Variants in LHFPL4 observed in about 807,000 individuals in gnomAD.
LHFPL4 encodes LHFPL tetraspan subfamily member 4, also known as LHFPL tetraspan subfamily member 4 protein.
Under a neutral mutation model 20.0 loss-of-function variants are expected in LHFPL4, and 6 were observed. The ratio of observed to expected loss-of-function variants is 0.30; its 90% CI spans 0.16 to 0.59. The LOEUF (loss-of-function observed/expected upper bound fraction) is 0.59. LHFPL4 is among the 20% of genes least tolerant of loss of function. The pLI is 0.88. For missense variants in LHFPL4, 215 were observed against 331.2 expected, an observed-to-expected ratio of 0.65 and a Z score of 2.72; for synonymous variants, 129 against 143.8, an observed-to-expected ratio of 0.90 and a Z score of 0.74.
chr3:9,545,969 T>A (rs1265648689), intron 2 of LHFPL4, among the ~76,000 whole-genome samples: 1 of 151,864 alleles, frequency 6.6e-6, no homozygotes, highest in Non-Finnish European at 1.5e-5. Context: ...TATGCCATAG[T>A]GATGGGAGTT....
intron 2 of LHFPL4, among the ~76,000 whole-genome samples, chr3:9,541,838 A>G (rs543615539): frequency 1.3e-5 from 2 of 152,282 alleles, no homozygotes; most frequent in South Asian, 4.1e-4. Flanking sequence ...TTAGAGGAAA[A>G]CAGGGGTAAA....
intron 2 of LHFPL4, among the ~76,000 whole-genome samples, chr3:9,535,050 C>T (rs1438840653): frequency 2.0e-5 from 3 of 151,986 alleles, no homozygotes; most frequent in Admixed American, 1.3e-4. Flanking sequence ...CCTACTATAT[C>T]GATACAGGAA....
At chr3:9,524,304 C>T (rs1156981525) in intron 2 of LHFPL4, among the ~76,000 whole-genome samples, 1 of 151,626 alleles carries the variant, frequency 6.6e-6, no homozygotes, top group African/African-American at 2.4e-5. Context: ...AATTTGGGGA[C>T]ATTTTCAGTC....
rs375089088 is a variant in LHFPL4 at position 9,506,211 on chromosome 3, G to A, written c.407-8C>T. The A allele has an allele frequency of 3.1e-6, 5 of 1,606,538 alleles. No individual in the cohort carries two copies. Among genetic ancestry groups the A allele is most frequent in the African/African-American group, 2.7e-5 (2 of 74,768 alleles). On this transcript the variant is annotated splice_polypyrimidine_tract_variant and splice_region_variant and intron_variant, in intron 2 of 3. Transcript: ENST00000287585. This position sits in a 1 kb window ranked among gnomAD's most constrained non-coding sequence, Gnocchi z 4.5. Reference sequence around the variant, plus strand: ...CCAGGACGAGGCACAGAGCTGAGGGGCAGAGCACCGGGCCCACCACCACGG... The same window carrying A: ...CCAGGACGAGGCACAGAGCTGAGGGACAGAGCACCGGGCCCACCACCACGG...
intron 2 of LHFPL4, among the ~76,000 whole-genome samples, chr3:9,527,564 C>A (rs907844305): frequency 6.6e-6 from 1 of 151,692 alleles, no homozygotes; most frequent in Non-Finnish European, 1.5e-5. Context: ...AAAAATTAGT[C>A]AGGCATGGTA....
At chr3:9,520,341 TTTG>T (rs964238163) in intron 2 of LHFPL4, among the ~76,000 whole-genome samples, 16 of 152,034 alleles carry the variant, frequency 1.1e-4, no homozygotes, top group Non-Finnish European at 1.9e-4. Flanking sequence ...CTTGAGGTTT[TTTG>T]TTGTTGTTGT....
At chr3:9,548,385 C>A (rs76800735) in intron 2 of LHFPL4, among the ~76,000 whole-genome samples, 2,837 of 152,250 alleles carry the variant, frequency 0.019, 92 homozygotes, top group African/African-American at 0.064. Context: ...CATACTGTGG[C>A]CCCCATAATT....
intron 2 of LHFPL4, among the ~76,000 whole-genome samples, chr3:9,517,251 C>A (rs1026870853): frequency 6.6e-6 from 1 of 152,000 alleles, no homozygotes; most frequent in Admixed American, 6.6e-5. Context: ...GAATAACTTG[C>A]CAGGATTGTG....
intron 3 of LHFPL4, among the ~76,000 whole-genome samples, chr3:9,502,703 C>CA (rs34313508): frequency 3.3e-3 from 412 of 125,884 alleles, no homozygotes; most frequent in Middle Eastern, 8.3e-3. Context: ...AACTCCATCT[C>CA]AAAAAAAAAA....
chr3:9,504,026 C>G (rs960092872), intron 3 of LHFPL4, among the ~76,000 whole-genome samples: 3 of 151,494 alleles, frequency 2.0e-5, no homozygotes, highest in African/African-American at 7.3e-5. Context: ...GCCCCCTCCC[C>G]CAATCTCTTA....
chr3:9,505,792 C>T (rs1192242336), intron 3 of LHFPL4, among the ~76,000 whole-genome samples, 175 bp downstream of exon 3: 1 of 152,172 alleles, frequency 6.6e-6, no homozygotes, highest in Non-Finnish European at 1.5e-5. Context: ...CTCCTGGGCT[C>T]AAGCGATCTA....
chr3:9,520,072 A>G (rs1041464516), intron 2 of LHFPL4, among the ~76,000 whole-genome samples: 1 of 152,100 alleles, frequency 6.6e-6, no homozygotes, highest in Non-Finnish European at 1.5e-5. Context: ...CTTTTCTAAT[A>G]TATGCATTCT....
At chr3:9,545,716 AAAAT>A (rs1160327367) in intron 2 of LHFPL4, among the ~76,000 whole-genome samples, 92 of 151,966 alleles carry the variant, frequency 6.1e-4, no homozygotes, top group African/African-American at 2.0e-3. Flanking sequence ...ACTCCATCTC[AAAAT>A]AAATAAATAA....
intron 2 of LHFPL4, among the ~76,000 whole-genome samples, chr3:9,548,975 G>C (rs145206882): frequency 8.5e-5 from 13 of 152,328 alleles, no homozygotes; most frequent in African/African-American, 3.1e-4. Context: ...AGCGAGCACA[G>C]AGGAACCAAG....
intron 2 of LHFPL4, among the ~76,000 whole-genome samples, chr3:9,523,107 AAAGCAAGC>A (rs140174455): frequency 4.7e-4 from 68 of 144,516 alleles, no homozygotes; most frequent in Admixed American, 8.3e-4. Flanking sequence ...AGAGAGAGAG[AAAGCAAGC>A]AAGCAAGCAA....
intron 1 of LHFPL4, among the ~76,000 whole-genome samples, 175 bp downstream of exon 1, chr3:9,553,510 C>T (rs946848852): frequency 7.5e-6 from 1 of 132,928 alleles, no homozygotes; most frequent in Non-Finnish European, 1.6e-5. Context: ...AACGAAAGAC[C>T]GGGGCCGGTG....
At chr3:9,541,483 G>T (rs906873977) in intron 2 of LHFPL4, among the ~76,000 whole-genome samples, 1 of 152,124 alleles carries the variant, frequency 6.6e-6, no homozygotes, top group Non-Finnish European at 1.5e-5. Context: ...ACTCAAAGTG[G>T]ATCAAAGGCT....
chr3:9,518,652 T>C (rs1201187188), intron 2 of LHFPL4, among the ~76,000 whole-genome samples: 1 of 151,384 alleles, frequency 6.6e-6, no homozygotes, highest in African/African-American at 2.4e-5. Flanking sequence ...TAGGAATTGG[T>C]CCATTTCATC....
At position 9,498,908 on chromosome 3, in the gene LHFPL4, C is replaced by A. The variant is rs1255282040; in HGVS notation, c.*3303G>T. ...AAAGTTTTCCTTCATGGGTACCGGT[C>A]CCCAAAGACGAAAGTTTTCATAGCC... On this transcript the variant is annotated 3_prime_UTR_variant, in exon 4 of 4. Coordinates refer to ENST00000287585, the MANE Select transcript of LHFPL4 (RefSeq NM_198560.3). The A allele has an allele frequency of 1.3e-5, 2 of 152,732 alleles. No individual in the cohort carries two copies. The highest frequency in any genetic ancestry group is 3.9e-4 in the East Asian group (2 of 5,184). The allele number at this position is 152,732 out of a possible 1,614,324, so 9.5% of individuals were successfully genotyped here. A position where few individuals can be genotyped will look rare whatever the true frequency, so the allele number is the denominator to read the frequency against.
Sources: allele counts gnomAD v4.1 joint callset (sites outside exome capture counted in the v4.1 genomes callset), GRCh38; gene constraint gnomAD v4.1.1; non-coding constraint Gnocchi (gnomAD v3.1); transcripts MANE v1.5; gene names NCBI Gene and HGNC (gene_info 2026-07-23, HGNC 2026-07-21).